The following OSBPL3 variants were observed in gnomAD, a reference collection of about 807,000 sequenced individuals.
OSBPL3 encodes oxysterol binding protein like 3.
In OSBPL3, 65 loss-of-function variants were observed where a neutral mutation model predicts 120.1. The observed-to-expected ratio is 0.54, with a 90% CI of 0.44 to 0.67. OSBPL3 has a LOEUF of 0.67. Among genes scored for constraint, OSBPL3 ranks in the 30% least tolerant of loss-of-function variants. The pLI, the probability that OSBPL3 is intolerant of heterozygous loss-of-function variation, is 0.00. For synonymous variants in OSBPL3, 416 were observed against 402.6 expected (o/e 1.03, Z -0.40); for missense variants, 1,004 against 1,082.1 (o/e 0.93, Z 1.01).
chr7:24,949,064 A>G (rs191277060), intron 1 of OSBPL3, among the ~76,000 whole-genome samples: 20 of 152,326 alleles, frequency 1.3e-4, no homozygotes, highest in Non-Finnish European at 7.4e-5. Flanking sequence ...TCTCACCATG[A>G]AAACATTGTG....
At chr7:24,885,767 C>T (rs958763014) in intron 2 of OSBPL3, among the ~76,000 whole-genome samples, 7 of 152,316 alleles carry the variant, frequency 4.6e-5, no homozygotes, top group African/African-American at 9.6e-5. Flanking sequence ...TTCATAGCTT[C>T]GTATATCCCT....
intron 1 of OSBPL3, among the ~76,000 whole-genome samples, chr7:24,951,232 G>C (rs1022643737): frequency 6.6e-5 from 10 of 152,174 alleles, no homozygotes; most frequent in African/African-American, 2.4e-4. Context: ...ATATTTGCTA[G>C]TGGCCTAATG....
At position 24,845,643 on chromosome 7, in the gene OSBPL3, C is replaced by T. The variant is rs552470586; in HGVS notation, c.1267-3230G>A. 9.3e-4 allele frequency among the ~76,000 whole-genome samples: 135 copies of T among 145,670 alleles called. 1 individual carries two copies. Among genetic ancestry groups the T allele is most frequent in the African/African-American group, 3.3e-3 (130 of 39,344 alleles). ...TTATTTGCCTTATTGTTTTGACACA[C>T]ATCACTTTTTCCTAAAAAAAAAAAA... On this transcript the variant is annotated intron_variant, in intron 12 of 22. Transcript: ENST00000313367.
In OSBPL3 at chr7:24,833,753, A is replaced by C. The variant is rs778335420; in HGVS notation, c.1746+733T>G. 2.0e-5 allele frequency among the ~76,000 whole-genome samples: 3 copies of C among 152,190 alleles called. No homozygotes were observed. Among genetic ancestry groups the C allele is most frequent in the Non-Finnish European group, 2.9e-5 (2 of 68,030 alleles). On this transcript the variant is annotated intron_variant, in intron 15 of 22. Transcript: ENST00000313367. This position sits in a 1 kb window ranked among gnomAD's most constrained non-coding sequence, Gnocchi z 4.4. ...GTACAGACACCCACGTTCAAGAACA[A>C]AGTTAGTCACAGTCATAGAGAGGGC...
At position 24,974,925 on chromosome 7, in the gene OSBPL3, T is replaced by C. The variant is rs540939379; in HGVS notation, c.-150+4961A>G. 5.3e-5 allele frequency among the ~76,000 whole-genome samples: 8 copies of C among 152,322 alleles called. No homozygotes were observed. The South Asian group carries it at 1.4e-3, about 28-fold the overall frequency. ...AAATGTTTTAAAATTATGGTGATGGTTGCACAACTCTGAATATACTAAAAT... is the reference window on the plus strand; with the variant it reads ...AAATGTTTTAAAATTATGGTGATGGCTGCACAACTCTGAATATACTAAAAT... On this transcript the variant is annotated intron_variant, in intron 1 of 22. Transcript: ENST00000313367.
Position 24,968,363 on chromosome 7 carries a change from C to G in OSBPL3, c.-150+11523G>C, listed in dbSNP as rs978875057. On this transcript the variant is annotated intron_variant, in intron 1 of 22. Coordinates refer to ENST00000313367, the MANE Select transcript of OSBPL3 (RefSeq NM_015550.4). This position sits in a 1 kb window ranked among gnomAD's most constrained non-coding sequence, Gnocchi z 4.6. Reference sequence around the variant, plus strand: ...CTTGGGAAGTCACGCACAGTTGGTTCCCACATGCCGGTGTAAACTGGCTTC... The same window carrying G: ...CTTGGGAAGTCACGCACAGTTGGTTGCCACATGCCGGTGTAAACTGGCTTC... Among the ~76,000 whole-genome samples the G allele has an allele frequency of 3.3e-5, 5 of 152,180 alleles. No individual in the cohort carries two copies. The highest frequency in any genetic ancestry group is 9.7e-5 in the African/African-American group (4 of 41,444).
At chr7:24,866,456 G>C (rs1469469263) in intron 5 of OSBPL3, among the ~76,000 whole-genome samples, 1 of 152,072 alleles carries the variant, frequency 6.6e-6, no homozygotes, top group South Asian at 2.1e-4. Context: ...TGGGCAACCT[G>C]GTGAAACCCT....
Position 24,821,612 on chromosome 7 carries a change from G to A in OSBPL3, c.1885-1374C>T, listed in dbSNP as rs765800199. 3.9e-5 allele frequency among the ~76,000 whole-genome samples: 6 copies of A among 152,226 alleles called. No individual in the cohort carries two copies. The highest frequency in any genetic ancestry group is 1.9e-4 in the East Asian group (1 of 5,198). ...AGATGTGACTCATGGGATTACAGCCGTACCAGTGTGGGCCAAAGAAAGGTA... is the reference window on the plus strand; with the variant it reads ...AGATGTGACTCATGGGATTACAGCCATACCAGTGTGGGCCAAAGAAAGGTA... On this transcript the variant is annotated intron_variant, in intron 16 of 22. Transcript: ENST00000313367. This position sits in a 1 kb window ranked among gnomAD's most constrained non-coding sequence, Gnocchi z 5.5.
intron 1 of OSBPL3, among the ~76,000 whole-genome samples, chr7:24,926,376 A>G (rs1811048637): frequency 6.6e-6 from 1 of 152,218 alleles, no homozygotes; most frequent in Non-Finnish European, 1.5e-5. Flanking sequence ...GCTCTACCTG[A>G]GTATTCTAAT....
rs546396493 is a variant in OSBPL3 at position 24,866,345 on chromosome 7, G to A, written c.382-108C>T. Reference sequence around the variant, plus strand: ...CAAAATCCTCTTTTTCAGTTGGCACGTAATTTCAACAGCCAGGCGCAGTGG... The same window carrying A: ...CAAAATCCTCTTTTTCAGTTGGCACATAATTTCAACAGCCAGGCGCAGTGG... On this transcript the variant is annotated intron_variant, in intron 5 of 22. Coordinates refer to ENST00000313367, the MANE Select transcript of OSBPL3 (RefSeq NM_015550.4). The A allele has an allele frequency of 6.0e-5, 52 of 862,482 alleles. No homozygotes were observed. The East Asian group carries it at 9.4e-4, about 16-fold the overall frequency. The allele number at this position is 862,482 out of a possible 1,614,324, so 53.4% of individuals were successfully genotyped here.
chr7:24,828,616 AAAAAAG>A (rs944178077), intron 16 of OSBPL3, among the ~76,000 whole-genome samples: 35 of 129,330 alleles, frequency 2.7e-4, no homozygotes, highest in Admixed American at 7.3e-4. Context: ...GAAAAAAAAA[AAAAAAG>A]AAAAAAAAAA....
At chr7:24,842,846 G>A (rs1337556769) in intron 12 of OSBPL3, among the ~76,000 whole-genome samples, 1 of 152,220 alleles carries the variant, frequency 6.6e-6, no homozygotes, top group Non-Finnish European at 1.5e-5. Context: ...CTGCCCCTAT[G>A]CTCTCTGAGG....
At chr7:24,857,799 T>G (rs777269376) in intron 10 of OSBPL3, among the ~76,000 whole-genome samples, 13 of 152,324 alleles carry the variant, frequency 8.5e-5, no homozygotes, top group South Asian at 6.2e-4. Flanking sequence ...CAGATTTTTG[T>G]GTTGTTTTTT....
chr7:24,811,019 T>C (rs1793730580), intron 19 of OSBPL3, among the ~76,000 whole-genome samples: 1 of 152,234 alleles, frequency 6.6e-6, no homozygotes, highest in Admixed American at 6.5e-5. Flanking sequence ...GACATACTGA[T>C]TTCATTTCCT....
At position 24,968,529 on chromosome 7, in the gene OSBPL3, CG is replaced by C. The variant is rs1464808651; in HGVS notation, c.-150+11356del. ...CTCCTGCCTCCACCTCCTGCGTAGC[CG>C]GGATTACAGGCACACACCACCACGC... is the stretch of plus-strand genomic sequence containing the variant. On this transcript the variant is annotated intron_variant, in intron 1 of 22. Transcript: ENST00000313367. The surrounding 1 kb of genome is among the most constrained non-coding windows in gnomAD (Gnocchi z 4.6). Among the ~76,000 whole-genome samples the C allele has an allele frequency of 1.8e-4, 28 of 152,136 alleles. No individual in the cohort carries two copies. The highest frequency in any genetic ancestry group is 6.2e-4 in the South Asian group (3 of 4,834).
chr7:24,926,329 C>T (rs1031924163), intron 1 of OSBPL3, among the ~76,000 whole-genome samples: 3 of 152,150 alleles, frequency 2.0e-5, no homozygotes, highest in African/African-American at 7.2e-5. Flanking sequence ...CAGAATCATC[C>T]ATGGACAATG....
At position 24,818,386 on chromosome 7, in the gene OSBPL3, T is replaced by C. The variant is rs1794730056; in HGVS notation, c.1949-1698A>G. Among the ~76,000 whole-genome samples, 1 of 152,170 alleles carries C rather than the reference T, an allele frequency of 6.6e-6. No homozygotes were observed. On this transcript the variant is annotated intron_variant, in intron 17 of 22. Transcript: ENST00000313367. This position sits in a 1 kb window ranked among gnomAD's most constrained non-coding sequence, Gnocchi z 4.0. ...TAGATGGCTGTTTAAAGCTAAAGTA[T>C]TAACAATGTACTACATGGTTTATGA...
rs1011232047 is a variant in OSBPL3, at chr7:24,898,528, T to C, written c.-149-5907A>G. ...AAATGCTTACTCTGGCACAATAGAG[T>C]ATCCATTTCTATTCCCTGCTCCATC... On this transcript the variant is annotated intron_variant, in intron 1 of 22. Transcript: ENST00000313367. The surrounding 1 kb of genome is among the most constrained non-coding windows in gnomAD (Gnocchi z 4.3). Among the ~76,000 whole-genome samples, 2 of 152,014 alleles carry C rather than the reference T, an allele frequency of 1.3e-5. No individual in the cohort carries two copies. The highest frequency in any genetic ancestry group is 2.9e-5 in the Non-Finnish European group (2 of 68,012).
At chr7:24,842,089 C>G (rs1237563638) in intron 13 of OSBPL3, among the ~76,000 whole-genome samples, 190 bp downstream of exon 13, 1 of 151,964 alleles carries the variant, frequency 6.6e-6, no homozygotes, top group Non-Finnish European at 1.5e-5. Flanking sequence ...TCTACTTTTA[C>G]TTTTTCTTCT....
Sources: gnomAD v4.1 joint callset for allele counts (sites outside exome capture counted in the v4.1 genomes callset) on GRCh38, gnomAD v4.1.1 for gene constraint, Gnocchi (gnomAD v3.1) non-coding constraint, MANE v1.5 for transcripts, NCBI Gene and HGNC (gene_info 2026-07-23, HGNC 2026-07-21) for gene names.